The following TRANK1 variants were observed in gnomAD, a reference collection of about 807,000 sequenced individuals.
TRANK1 encodes TPR and ankyrin repeat-containing protein 1.
Under a neutral mutation model 266.0 loss-of-function variants are expected in TRANK1, and 198 were observed. That is an observed-to-expected ratio of 0.74 (90% CI 0.66 to 0.84). The LOEUF (loss-of-function observed/expected upper bound fraction) is 0.84, where lower values mean the gene tolerates loss of function less well. Ranked by LOEUF, TRANK1 falls within the 40% of genes least tolerant of loss-of-function variation. The probability of loss-of-function intolerance (pLI) is 0.00; values close to 1 mark genes in which losing one functional copy is unlikely to be tolerated. For synonymous variants in TRANK1, 1,396 were observed against 1,384.1 expected (o/e 1.01, Z -0.19); for missense variants, 3,326 against 3,634.6 (o/e 0.92, Z 2.18).
chr3:36,899,920 A>T (rs1318043330), intron 3 of TRANK1, among the ~76,000 whole-genome samples: 3 of 152,174 alleles, frequency 2.0e-5, no homozygotes, highest in Non-Finnish European at 4.4e-5. Flanking sequence ...GTGTAGTGGC[A>T]TGATCCTGGC....
intron 18 of TRANK1, among the ~76,000 whole-genome samples, chr3:36,839,324 C>T (rs1466435794): frequency 6.6e-6 from 1 of 152,220 alleles, no homozygotes; most frequent in East Asian, 1.9e-4. Flanking sequence ...CAGAAAGCTG[C>T]TTTTCTAAAA....
chr3:36,937,491 T>A (rs1158560608), intron 1 of TRANK1, among the ~76,000 whole-genome samples: 1 of 152,104 alleles, frequency 6.6e-6, no homozygotes, highest in Admixed American at 6.5e-5. Flanking sequence ...CAAACTTAAG[T>A]CTGATATAAA....
chr3:36,933,462 A>G (rs1438354245), intron 1 of TRANK1, among the ~76,000 whole-genome samples: 1 of 152,238 alleles, frequency 6.6e-6, no homozygotes, highest in Non-Finnish European at 1.5e-5. Context: ...CAATTTCTAG[A>G]GCAAGGAACC....
chr3:36,919,596 G>A (rs2080186719), intron 1 of TRANK1, among the ~76,000 whole-genome samples: 1 of 152,226 alleles, frequency 6.6e-6, no homozygotes, highest in Non-Finnish European at 1.5e-5. Context: ...TCCTGTATAT[G>A]TCTTTCAGTG....
In TRANK1 at chr3:36,832,040, C is replaced by T. The variant is rs371838140; in HGVS notation, c.7543G>A (p.Val2515Met). The T allele has an allele frequency of 1.3e-5, 21 of 1,613,912 alleles. No individual in the cohort carries two copies. Among genetic ancestry groups the T allele is most frequent in the South Asian group, 6.6e-5 (6 of 91,090 alleles). ...SIIQEYKPKD[V>M]TRAIQDFRFH... ...CGGAAATCCTGAATGGCTCTTGTCA[C>T]GTCCTTGGGTTTGTATTCCTGAATG... The change falls in exon 22 of 24, where the codon GTG (valine) becomes ATG (methionine). Residue 2515 changes from valine (V) to methionine (M), a missense_variant. Val to Met is a conservative substitution (Grantham distance 21). Coordinates refer to ENST00000645898, the MANE Select transcript of TRANK1 (RefSeq NM_001329998.2).
rs369395721 is a variant in TRANK1 at position 36,903,209 on chromosome 3, C to T, written c.222G>A (p.Lys74=). Residue 74 remains lysine, a synonymous_variant, in exon 3 of 24, where the codon AAG becomes AAA. Coordinates refer to ENST00000645898, the MANE Select transcript of TRANK1 (RefSeq NM_001329998.2). ...TGGCAGCAACAAATGCCTCATTCCA[C>T]TTCCCAAGGCTGAAAAATGCATTTG... ...NKSNAFFSLG[K]WNEAFVAAKE... 2.6e-6 allele frequency: 4 copies of T among 1,537,236 alleles called. No individual in the cohort carries two copies. Among genetic ancestry groups the T allele is most frequent in the Non-Finnish European group, 8.7e-7 (1 of 1,146,948 alleles).
In TRANK1 at chr3:36,834,647, G is replaced by A. The variant is rs988899799; in HGVS notation, c.5663+115C>T. On this transcript the variant is annotated intron_variant, in intron 21 of 23. Transcript: ENST00000645898. ...TGAGGCCATCGCTTAAGTGGAAAGG[G>A]AGCAATGTGGTCAAACCATGTCAGA... 4 of 1,228,834 alleles carry A rather than the reference G, an allele frequency of 3.3e-6. No homozygotes were observed. The African/African-American group carries it at 4.6e-5, about 14-fold the overall frequency. The allele number at this position is 1,228,834 out of a possible 1,614,324, so 76.1% of individuals were successfully genotyped here. A position where few individuals can be genotyped will look rare whatever the true frequency, so the allele number is the denominator to read the frequency against.
intron 13 of TRANK1, among the ~76,000 whole-genome samples, chr3:36,853,376 C>A (rs890534766): frequency 6.6e-6 from 1 of 152,164 alleles, no homozygotes; most frequent in African/African-American, 2.4e-5. Flanking sequence ...ATGAAATGGG[C>A]ATATGTATCC....
At position 36,878,754 on chromosome 3, in the gene TRANK1, C is replaced by A. The variant is rs183571300; in HGVS notation, c.908-4458G>T. Reference sequence around the variant, plus strand: ...ATAATAAACCTGCAAAAGTACCCCCCCCGAACCTAAAATGAAAGTTCAAAA... The same window carrying A: ...ATAATAAACCTGCAAAAGTACCCCCACCGAACCTAAAATGAAAGTTCAAAA... On this transcript the variant is annotated intron_variant, in intron 8 of 23. Transcript: ENST00000645898. Among the ~76,000 whole-genome samples the A allele has an allele frequency of 3.1e-4, 47 of 150,198 alleles. No individual in the cohort carries two copies. The East Asian group carries it at 5.8e-3, about 19-fold the overall frequency.
At chr3:36,923,547 C>T (rs546697012) in intron 1 of TRANK1, among the ~76,000 whole-genome samples, 2 of 152,300 alleles carry the variant, frequency 1.3e-5, no homozygotes, top group African/African-American at 2.4e-5. Flanking sequence ...TGAGCCACCG[C>T]GCCTGGCCTT....
At chr3:36,944,607 C>T (rs955941506) in intron 1 of TRANK1, among the ~76,000 whole-genome samples, 180 bp downstream of exon 1, 1 of 152,168 alleles carries the variant, frequency 6.6e-6, no homozygotes, top group Admixed American at 6.5e-5. Context: ...CGCGACCGAC[C>T]CCGCGCAACT....
At position 36,831,049 on chromosome 3, in the gene TRANK1, A is replaced by G; in HGVS notation, c.8534T>C (p.Val2845Ala). Residue 2845 changes from valine (V) to alanine (A), a missense_variant, in exon 22 of 24, where the codon GTG becomes GCG. By Grantham distance (64) the Val-to-Ala change is moderately conservative. Transcript: ENST00000645898. The surrounding 1 kb of genome is among the most constrained non-coding windows in gnomAD (Gnocchi z 5.0). ...QKYSEFFHEK[V>A]DPAIDEGKLV... ...CTTGCCTTCATCAATGGCCGGGTCC[A>G]CCTTCTCGTGGAAAAATTCTGAGTA... is the stretch of plus-strand genomic sequence containing the variant. The G allele has an allele frequency of 6.2e-7, 1 of 1,613,908 alleles. No homozygotes were observed.
At position 36,833,686 on chromosome 3, in the gene TRANK1, G is replaced by A; in HGVS notation, c.5897C>T (p.Ala1966Val). 6.2e-7 allele frequency: 1 copy of A among 1,614,002 alleles called. No individual in the cohort carries two copies. The highest frequency in any genetic ancestry group is 8.5e-7 in the Non-Finnish European group (1 of 1,179,878). Residue 1966 changes from alanine to valine, a missense_variant, in exon 22 of 24, where the codon GCC (alanine) becomes GTC (valine). Ala to Val is a moderately conservative substitution (Grantham distance 64). Transcript: ENST00000645898. ...GCAGCCATGTTGCTTCATCAGCAGG[G>A]CAGCCTCTTCTCTCCTACCTTCCCT... ...LNREGRREEA[A>V]LLMKQHGCLL...
intron 2 of TRANK1, among the ~76,000 whole-genome samples, chr3:36,906,232 A>G (rs1054033614): frequency 1.3e-5 from 2 of 152,170 alleles, no homozygotes; most frequent in Admixed American, 6.5e-5. Flanking sequence ...GAGTGTAGAC[A>G]TCAAGGAGAT....
Position 36,851,827 on chromosome 3 carries a change from C to CAAATG in TRANK1, c.4778_4779insCATTT (p.Lys1593AsnfsTer12). Reference sequence around the variant, plus strand: ...ACCCCAGCTCTTCTGGAATTTTCTCCTTTGCCGTTTCATTGGCCACAAGGA... The same window carrying CAAATG: ...ACCCCAGCTCTTCTGGAATTTTCTCCAAATGTTTGCCGTTTCATTGGCCACAAGGA... On this transcript the variant is annotated frameshift_variant, in exon 15 of 24. Coordinates refer to ENST00000645898, the MANE Select transcript of TRANK1 (RefSeq NM_001329998.2). LOFTEE classifies it high-confidence loss of function. The CAAATG allele has an allele frequency of 6.2e-7, 1 of 1,605,576 alleles. No homozygotes were observed. The highest frequency in any genetic ancestry group is 8.5e-7 in the Non-Finnish European group (1 of 1,176,082).
rs555399322 is a variant in TRANK1 at position 36,831,750 on chromosome 3, G to A, written c.7833C>T (p.Leu2611=). The A allele has an allele frequency of 6.2e-7, 1 of 1,613,810 alleles. No homozygotes were observed. Among genetic ancestry groups the A allele is most frequent in the African/African-American group, 1.3e-5 (1 of 74,972 alleles). Residue 2611 remains leucine (L), a synonymous_variant, in exon 22 of 24, where the codon CTC becomes CTT. Coordinates refer to ENST00000645898, the MANE Select transcript of TRANK1 (RefSeq NM_001329998.2). This position sits in a 1 kb window ranked among gnomAD's most constrained non-coding sequence, Gnocchi z 5.0. The stretch of plus-strand genomic sequence containing the variant: ...CCAAGACCCGCTTCACCACCTTCAG[G>A]AGCCTCTCGGGAACCTGGCCAGGGC... ...MDCPGQVPER[L]LKVVKRVLVA...
intron 8 of TRANK1, among the ~76,000 whole-genome samples, chr3:36,882,374 A>G (rs1390259463): frequency 2.0e-5 from 3 of 152,244 alleles, no homozygotes; most frequent in Non-Finnish European, 4.4e-5. Flanking sequence ...AACAGAATAG[A>G]ACAGGAAGTT....
chr3:36,858,643 C>A (rs1201681921), intron 12 of TRANK1, 75 bp downstream of exon 12: 2 of 1,396,636 alleles, frequency 1.4e-6, no homozygotes, highest in Non-Finnish European at 1.9e-6. Flanking sequence ...AAAGGAAAGA[C>A]CAGAAAACAT....
At chr3:36,872,555 A>G (rs1047383423) in intron 9 of TRANK1, among the ~76,000 whole-genome samples, 9 of 152,234 alleles carry the variant, frequency 5.9e-5, no homozygotes, top group African/African-American at 2.2e-4. Context: ...TGCTATAGAT[A>G]AGAAACAATC....
Sources: gnomAD v4.1 joint callset for allele counts (sites outside exome capture counted in the v4.1 genomes callset) on GRCh38, gnomAD v4.1.1 for gene constraint, Gnocchi (gnomAD v3.1) non-coding constraint, MANE v1.5 for transcripts, NCBI Gene and HGNC (gene_info 2026-07-23, HGNC 2026-07-21) for gene names.